ABHD17B: variants seen among roughly 807,000 people sequenced by gnomAD.
The protein encoded by ABHD17B is alpha/beta hydrolase domain-containing protein 17B.
Under a neutral mutation model 26.2 loss-of-function variants are expected in ABHD17B, and 9 were observed. The ratio of observed to expected loss-of-function variants is 0.34; its 90% CI spans 0.21 to 0.60. ABHD17B has a LOEUF of 0.60. Ranked by LOEUF, ABHD17B falls within the 20% of genes least tolerant of loss-of-function variation. The pLI is 0.80. For synonymous variants in ABHD17B, 127 were observed against 122.3 expected, an observed-to-expected ratio of 1.04 and a Z score of -0.25; for missense variants, 224 against 352.1, an observed-to-expected ratio of 0.64 and a Z score of 2.91.
At position 71,865,245 on chromosome 9, in the gene ABHD17B, T is replaced by G. The variant is rs187448789; in HGVS notation, c.*1542A>C. The G allele has an allele frequency of 2.0e-6, 2 of 985,706 alleles. No individual in the cohort carries two copies. The highest frequency in any genetic ancestry group is 1.2e-4 in the Admixed American group (2 of 16,288). 61.1% of individuals were successfully genotyped at this position (985,706 alleles called of 1,614,324 possible). A position where few individuals can be genotyped will look rare whatever the true frequency, so the allele number is the denominator to read the frequency against. On this transcript the variant is annotated 3_prime_UTR_variant, in exon 4 of 4. Coordinates refer to ENST00000333421, the MANE Select transcript of ABHD17B (RefSeq NM_001025780.3). Reference sequence around the variant, plus strand: ...ATACTTTGAAGAGAGTCATATACTATAGTCTTAAACATAACCACGGAACGA... The same window carrying G: ...ATACTTTGAAGAGAGTCATATACTAGAGTCTTAAACATAACCACGGAACGA...
At chr9:71,894,493 C>T (rs1053836913) in intron 1 of ABHD17B, among the ~76,000 whole-genome samples, 124 of 152,176 alleles carry the variant, frequency 8.1e-4, no homozygotes, top group African/African-American at 2.8e-3. Context: ...ACAGGTGCCC[C>T]GCCACGACAC....
chr9:71,907,007 T>C (rs1266430367), intron 1 of ABHD17B, among the ~76,000 whole-genome samples: 1 of 152,198 alleles, frequency 6.6e-6, no homozygotes, highest in Non-Finnish European at 1.5e-5. Flanking sequence ...TCTTATTTTA[T>C]TAAGGCCAAT....
Position 71,867,017 on chromosome 9 carries a change from AAAGG to A in ABHD17B, c.648-15_648-12del. On this transcript the variant is annotated splice_polypyrimidine_tract_variant and intron_variant, in intron 3 of 3. Transcript: ENST00000333421. ...GAGATTTTGTCAATGCTGCAGGGAA[AAAGG>A]AAGGGGGAAAAATGCAATAAATTAA... 6.2e-7 allele frequency: 1 copy of A among 1,613,186 alleles called. No homozygotes were observed. The highest frequency in any genetic ancestry group is 8.5e-7 in the Non-Finnish European group (1 of 1,179,782).
chr9:71,865,681 C>T lies in ABHD17B; in HGVS notation c.*1106G>A, dbSNP rs1458372261. ...TTCAAGACCAGCCTGATCAACATGG[C>T]AAAACCCTGTCTCTACTAAAAATAC... On this transcript the variant is annotated 3_prime_UTR_variant, in exon 4 of 4. Transcript: ENST00000333421. 4.3e-6 allele frequency: 3 copies of T among 690,984 alleles called. No homozygotes were observed. The African/African-American group carries it at 5.9e-5, about 14-fold the overall frequency. 42.8% of individuals were successfully genotyped at this position (690,984 alleles called of 1,614,324 possible).
intron 1 of ABHD17B, chr9:71,902,535 G>C (rs1827174572): frequency 6.7e-6 from 1 of 149,864 alleles, no homozygotes; most frequent in Non-Finnish European, 1.5e-5. Flanking sequence ...TAGTTGTAAA[G>C]GGACTGTGAT....
At chr9:71,905,013 A>G (rs1292345697) in intron 1 of ABHD17B, among the ~76,000 whole-genome samples, 2 of 152,226 alleles carry the variant, frequency 1.3e-5, no homozygotes, top group African/African-American at 2.4e-5. Flanking sequence ...CCCAGTATAG[A>G]GAAGGCTTTC....
chr9:71,870,014 G>C, intron 3 of ABHD17B, 69 bp downstream of exon 3: 1 of 1,377,272 alleles, frequency 7.3e-7, no homozygotes. Context: ...ACTGTGTCAT[G>C]AATACTTTAA....
intron 1 of ABHD17B, among the ~76,000 whole-genome samples, chr9:71,878,605 A>C (rs1210206300): frequency 1.3e-5 from 2 of 152,200 alleles, no homozygotes; most frequent in Non-Finnish European, 2.9e-5. Context: ...CAAACTTTTA[A>C]CCTAGAATTG....
At chr9:71,898,552 T>C (rs1024716645) in intron 1 of ABHD17B, among the ~76,000 whole-genome samples, 1 of 151,058 alleles carries the variant, frequency 6.6e-6, no homozygotes. Context: ...GGCAGGAGAA[T>C]CGCTTGAACC....
chr9:71,865,110 G>A (rs1825917818), downstream of ABHD17B: 1 of 965,664 alleles, frequency 1.0e-6, no homozygotes, highest in Non-Finnish European at 1.2e-6. Context: ...ACTCTTTCTA[G>A]TGTGGGGGTG....
chr9:71,902,568 TA>T, intron 1 of ABHD17B: 1 of 152,232 alleles, frequency 6.6e-6, no homozygotes, highest in South Asian at 2.1e-4. Flanking sequence ...ATTTGATTAA[TA>T]AAAGTGACAA....
chr9:71,887,789 G>A (rs561174250), intron 1 of ABHD17B, among the ~76,000 whole-genome samples: 35 of 152,284 alleles, frequency 2.3e-4, no homozygotes, highest in Admixed American at 9.8e-4. Flanking sequence ...AGATCTTTCT[G>A]TTGAACATTG....
intron 1 of ABHD17B, among the ~76,000 whole-genome samples, chr9:71,900,739 T>C (rs1827111830): frequency 6.6e-6 from 1 of 150,874 alleles, no homozygotes; most frequent in Non-Finnish European, 1.5e-5. Context: ...CCTCCAACCA[T>C]ATCTTGATAC....
At chr9:71,876,069 GTGTATGTATGTATGCATGCA>G (rs1485488817) in intron 1 of ABHD17B, among the ~76,000 whole-genome samples, 1 of 152,170 alleles carries the variant, frequency 6.6e-6, no homozygotes, top group Non-Finnish European at 1.5e-5. Flanking sequence ...GAACATTAAA[GTGTATGTATGTATGCATGCA>G]TGTATGTATG....
At chr9:71,885,309 A>G (rs1049284223) in intron 1 of ABHD17B, among the ~76,000 whole-genome samples, 6 of 151,878 alleles carry the variant, frequency 4.0e-5, no homozygotes, top group Non-Finnish European at 8.8e-5. Context: ...TTAATATAAA[A>G]ATTAGCCAGG....
chr9:71,890,396 T>G (rs1037533746), intron 1 of ABHD17B, among the ~76,000 whole-genome samples: 2 of 152,216 alleles, frequency 1.3e-5, no homozygotes, highest in African/African-American at 4.8e-5. Context: ...TTAGATATTA[T>G]AGCTGAACCT....
intron 1 of ABHD17B, among the ~76,000 whole-genome samples, chr9:71,875,967 C>T (rs189980848): frequency 2.3e-4 from 35 of 152,298 alleles, no homozygotes; most frequent in Admixed American, 2.0e-3. Flanking sequence ...TGTCACTACA[C>T]TATGTTACTG....
downstream of ABHD17B, among the ~76,000 whole-genome samples, chr9:71,864,219 T>TTG (rs1825895926): frequency 7.8e-6 from 1 of 127,766 alleles, no homozygotes; most frequent in Non-Finnish European, 1.7e-5. Context: ...CTTTCTTTTT[T>TTG]TTTTTTTTTT....
intron 1 of ABHD17B, among the ~76,000 whole-genome samples, chr9:71,887,222 G>A (rs905313589): frequency 6.6e-6 from 1 of 152,098 alleles, no homozygotes; most frequent in Admixed American, 6.5e-5. Flanking sequence ...TTGAGGTGAA[G>A]ATAGGAGGCA....
Sources: gnomAD v4.1 joint callset for allele counts (sites outside exome capture counted in the v4.1 genomes callset) on GRCh38, gnomAD v4.1.1 for gene constraint, MANE v1.5 for transcripts, NCBI Gene and HGNC (gene_info 2026-07-23, HGNC 2026-07-21) for gene names.